CTNNA3: variants seen among roughly 807,000 people sequenced by gnomAD.
CTNNA3 encodes the protein catenin alpha 3, also known as catenin alpha-3.
Under a neutral mutation model 95.7 loss-of-function variants are expected in CTNNA3, and 76 were observed. That is an observed-to-expected ratio of 0.79 (90% confidence interval 0.66 to 0.96). The LOEUF (loss-of-function observed/expected upper bound fraction) is 0.96. Among genes scored for constraint, CTNNA3 ranks in the 40% least tolerant of loss-of-function variants. CTNNA3 has a pLI of 0.00. For missense variants in CTNNA3, 1,191 were observed against 1,089.8 expected (o/e 1.09, Z -1.31); for synonymous variants, 431 against 374.4 (o/e 1.15, Z -1.74).
chr10:67,191,823 C>T (rs966954059), intron 6 of CTNNA3, among the ~76,000 whole-genome samples: 15 of 151,962 alleles, frequency 9.9e-5, no homozygotes, highest in Non-Finnish European at 2.2e-4. Context: ...GGAGGGATCA[C>T]ACTTCCTGAT....
At chr10:67,030,043 AT>A (rs960728836) in intron 7 of CTNNA3, among the ~76,000 whole-genome samples, 80 of 152,308 alleles carry the variant, frequency 5.3e-4, no homozygotes, top group Middle Eastern at 6.8e-3. Flanking sequence ...AATAAAATTA[AT>A]TTTTTTCTAA....
At chr10:66,443,326 C>A (rs2093389806) in intron 11 of CTNNA3, among the ~76,000 whole-genome samples, 1 of 152,208 alleles carries the variant, frequency 6.6e-6, no homozygotes, top group African/African-American at 2.4e-5. Flanking sequence ...TCCCAGCACG[C>A]AGCTGGAGAT....
chr10:66,528,371 C>G (rs111272566), intron 10 of CTNNA3, among the ~76,000 whole-genome samples: 2 of 152,238 alleles, frequency 1.3e-5, no homozygotes, highest in Admixed American at 6.5e-5. Context: ...ACATTCTAAA[C>G]TCATTTACCT....
At chr10:66,129,684 T>G (rs1310605596) in intron 13 of CTNNA3, among the ~76,000 whole-genome samples, 1 of 151,948 alleles carries the variant, frequency 6.6e-6, no homozygotes, top group Non-Finnish European at 1.5e-5. Flanking sequence ...TACCTGTGGG[T>G]GTCTGCATCA....
At chr10:67,138,746 G>T (rs1224660204) in intron 7 of CTNNA3, among the ~76,000 whole-genome samples, 2 of 151,548 alleles carry the variant, frequency 1.3e-5, no homozygotes, top group South Asian at 4.2e-4. Flanking sequence ...TGGGTTTTTT[G>T]AAAAAAAATA....
At chr10:66,884,132 G>A (rs1844949716) in intron 7 of CTNNA3, among the ~76,000 whole-genome samples, 1 of 152,074 alleles carries the variant, frequency 6.6e-6, no homozygotes, top group African/African-American at 2.4e-5. Flanking sequence ...AACTAATAGA[G>A]TGAGGAAGGG....
intron 2 of CTNNA3, among the ~76,000 whole-genome samples, chr10:67,645,203 A>G (rs1839668457): frequency 6.6e-6 from 1 of 152,144 alleles, no homozygotes; most frequent in Non-Finnish European, 1.5e-5. Context: ...GCACACACAC[A>G]CACACACACA....
chr10:66,539,281 G>A (rs1456741383), intron 10 of CTNNA3, among the ~76,000 whole-genome samples: 1 of 152,136 alleles, frequency 6.6e-6, no homozygotes, highest in African/African-American at 2.4e-5. Flanking sequence ...AGGTGAGCAG[G>A]AAGGCAAATG....
Position 66,720,822 on chromosome 10 carries a change from G to A in CTNNA3, c.1281+45442C>T, listed in dbSNP as rs1589167157. Among the ~76,000 whole-genome samples, 4 of 152,178 alleles carry A rather than the reference G, an allele frequency of 2.6e-5. No individual in the cohort carries two copies. The South Asian group carries it at 8.3e-4, about 32-fold the overall frequency. On this transcript the variant is annotated intron_variant, in intron 9 of 17. Transcript: ENST00000433211. ...CACTCCAGCCTGGGTGACAGAGAGAGACCCTGTCTCAAAAAAAGAAAAGAA... is the reference window on the plus strand; with the variant it reads ...CACTCCAGCCTGGGTGACAGAGAGAAACCCTGTCTCAAAAAAAGAAAAGAA...
chr10:66,433,395 A>T (rs187648668), intron 11 of CTNNA3, among the ~76,000 whole-genome samples: 6 of 152,268 alleles, frequency 3.9e-5, no homozygotes, highest in African/African-American at 1.4e-4. Flanking sequence ...TTCTCTAATG[A>T]TCAGTGATAA....
intron 11 of CTNNA3, among the ~76,000 whole-genome samples, chr10:66,467,295 A>G (rs1838957472): frequency 6.6e-6 from 1 of 152,104 alleles, no homozygotes; most frequent in Non-Finnish European, 1.5e-5. Flanking sequence ...TAGGTCCTCC[A>G]TGAAGAATTA....
chr10:67,612,270 A>G (rs10997756), intron 2 of CTNNA3, among the ~76,000 whole-genome samples: 64,862 of 152,088 alleles, frequency 0.43, 16,800 homozygotes, highest in African/African-American at 0.74. Context: ...CCAATATGGC[A>G]ATAAGAGAAA....
In CTNNA3 at chr10:66,591,006, T is replaced by C. The variant is rs183765112; in HGVS notation, c.1374+30686A>G. 4.9e-4 allele frequency among the ~76,000 whole-genome samples: 74 copies of C among 152,252 alleles called. 2 individuals are homozygous for C. The East Asian group carries it at 9.7e-3, about 20-fold the overall frequency. On this transcript the variant is annotated intron_variant, in intron 10 of 17. Transcript: ENST00000433211. ...GAGTGGGAGTGGTTTTAAATGATAA[T>C]TATTTTCCTGTCTTCTCTTATTAAG...
intron 10 of CTNNA3, among the ~76,000 whole-genome samples, chr10:66,529,596 T>G (rs181040166): frequency 1.3e-5 from 2 of 152,128 alleles, no homozygotes; most frequent in African/African-American, 4.8e-5. Context: ...TTCAAAAAAG[T>G]TATTTTGCTT....
chr10:66,309,557 GC>G (rs1361423312), intron 12 of CTNNA3, among the ~76,000 whole-genome samples: 2 of 151,730 alleles, frequency 1.3e-5, no homozygotes, highest in Non-Finnish European at 2.9e-5. Context: ...GGGCATGGTG[GC>G]GGGCACCTGT....
At chr10:66,946,822 G>T (rs1416780362) in intron 7 of CTNNA3, among the ~76,000 whole-genome samples, 2 of 151,962 alleles carry the variant, frequency 1.3e-5, no homozygotes, top group African/African-American at 4.8e-5. Context: ...ATGGATCTAC[G>T]TATGTACTTG....
At chr10:67,147,413 G>A (rs1399020966) in intron 7 of CTNNA3, among the ~76,000 whole-genome samples, 1 of 152,122 alleles carries the variant, frequency 6.6e-6, no homozygotes, top group Non-Finnish European at 1.5e-5. Flanking sequence ...ACAGTAACTG[G>A]TACTGAGTAA....
intron 9 of CTNNA3, among the ~76,000 whole-genome samples, chr10:66,695,788 A>T (rs1429515852): frequency 6.6e-6 from 1 of 152,094 alleles, no homozygotes; most frequent in African/African-American, 2.4e-5. Flanking sequence ...ACTAATTTTT[A>T]GCATGAAACA....
intron 12 of CTNNA3, among the ~76,000 whole-genome samples, chr10:66,369,393 T>C (rs979091958): frequency 2.6e-5 from 4 of 152,198 alleles, no homozygotes; most frequent in African/African-American, 9.6e-5. Context: ...TGTCCACTTG[T>C]TCTGCTCTCA....
Sources: allele counts gnomAD v4.1 joint callset (sites outside exome capture counted in the v4.1 genomes callset), GRCh38; gene constraint gnomAD v4.1.1; transcripts MANE v1.5; gene names NCBI Gene and HGNC (gene_info 2026-07-23, HGNC 2026-07-21).